The following WWTR1 variants were observed in gnomAD, a reference collection of about 807,000 sequenced individuals.
WWTR1 encodes WW domain-containing transcription regulator protein 1.
A neutral mutation model predicts 40.1 loss-of-function variants in WWTR1; 13 were observed. The observed-to-expected ratio is 0.32, with a 90% CI of 0.21 to 0.52. The LOEUF is 0.52. Ranked by LOEUF, WWTR1 falls within the 20% of genes least tolerant of loss-of-function variation. The pLI, the probability that WWTR1 is intolerant of heterozygous loss-of-function variation, is 0.97. For synonymous variants in WWTR1, 230 were observed against 210.1 expected (o/e 1.09, Z -0.82); for missense variants, 436 against 523.1 (o/e 0.83, Z 1.63).
intron 2 of WWTR1, among the ~76,000 whole-genome samples, chr3:149,623,981 G>GC (rs1397652810): frequency 6.6e-6 from 1 of 152,188 alleles, no homozygotes. Flanking sequence ...CATGTGGCTT[G>GC]CATCACTCTC....
chr3:149,539,170 T>A (rs554957293), intron 4 of WWTR1, among the ~76,000 whole-genome samples: 1 of 152,024 alleles, frequency 6.6e-6, no homozygotes, highest in Non-Finnish European at 1.5e-5. Context: ...TGGCACAACA[T>A]CATCAAACTA....
rs144920256 is a variant in WWTR1 at position 149,602,879 on chromosome 3, C to T, written c.432-29879G>A. Among the ~76,000 whole-genome samples the T allele has an allele frequency of 7.5e-3, 1,143 of 152,118 alleles. 13 individuals are homozygous for T. The highest frequency in any genetic ancestry group is 0.026 in the African/African-American group (1,060 of 41,504). ...TTCACCATGTTGGCCAGGCTGGTCTCGAACTCCTGACCTCAAGTGATCCGC... is the reference window on the plus strand; with the variant it reads ...TTCACCATGTTGGCCAGGCTGGTCTTGAACTCCTGACCTCAAGTGATCCGC... On this transcript the variant is annotated intron_variant, in intron 2 of 6. Coordinates refer to ENST00000360632, the MANE Select transcript of WWTR1 (RefSeq NM_015472.6).
chr3:149,651,904 A>C (rs961102380), intron 2 of WWTR1, among the ~76,000 whole-genome samples: 7 of 139,816 alleles, frequency 5.0e-5, no homozygotes, highest in African/African-American at 1.9e-4. Context: ...ATCTCGGCTC[A>C]CTGCAAGCTC....
chr3:149,713,412 G>A (rs12629822), intron 5 of WWTR1, among the ~76,000 whole-genome samples: 2,155 of 151,116 alleles, frequency 0.014, 30 homozygotes, highest in East Asian at 0.063. Context: ...ACGGCGTCTC[G>A]CTCTGTTGCC....
intron 4 of WWTR1, among the ~76,000 whole-genome samples, chr3:149,540,029 G>C (rs543866060): frequency 3.4e-5 from 5 of 147,762 alleles, no homozygotes; most frequent in African/African-American, 1.2e-4. Flanking sequence ...AAAATAAAAA[G>C]GCATCAGAAC....
intron 2 of WWTR1, among the ~76,000 whole-genome samples, chr3:149,645,002 G>A (rs1013935858): frequency 2.0e-5 from 3 of 152,034 alleles, no homozygotes; most frequent in Admixed American, 1.3e-4. Context: ...ACAGGTACAC[G>A]CCACCATGCC....
chr3:149,549,813 TG>T (rs1321331421), intron 3 of WWTR1, among the ~76,000 whole-genome samples: 2 of 152,018 alleles, frequency 1.3e-5, no homozygotes, highest in African/African-American at 4.8e-5. Flanking sequence ...CACTCCAGCC[TG>T]GGCAACAGAG....
intron 2 of WWTR1, among the ~76,000 whole-genome samples, chr3:149,668,613 A>AAAAAAAAAAAAAAAAAC (rs548038608): frequency 2.0e-5 from 3 of 147,504 alleles, no homozygotes; most frequent in African/African-American, 2.5e-5. Flanking sequence ...GTCTCAAAAA[A>AAAAAAAAAAAAAAAAAC]AACAACAAAA....
chr3:149,581,358 A>AAGACTCAT (rs1220235618), intron 2 of WWTR1, among the ~76,000 whole-genome samples: 1 of 152,180 alleles, frequency 6.6e-6, no homozygotes, highest in African/African-American at 2.4e-5. Context: ...AAAAAAAAAA[A>AAGACTCAT]AGACTCATGC....
chr3:149,548,295 G>A (rs1212251188), intron 3 of WWTR1, among the ~76,000 whole-genome samples: 1 of 152,194 alleles, frequency 6.6e-6, no homozygotes, highest in Non-Finnish European at 1.5e-5. Flanking sequence ...GCCACAGCTC[G>A]TAGAGAAAGT....
At chr3:149,644,407 C>A (rs1243965053) in intron 2 of WWTR1, among the ~76,000 whole-genome samples, 2 of 152,192 alleles carry the variant, frequency 1.3e-5, no homozygotes, top group Admixed American at 1.3e-4. Flanking sequence ...ATGAAAATTT[C>A]TATCCCTGTT....
chr3:149,718,505 C>T (rs138809076), intron 4 of WWTR1, among the ~76,000 whole-genome samples: 11 of 152,278 alleles, frequency 7.2e-5, no homozygotes, highest in African/African-American at 2.6e-4. Context: ...CTATCTTAAT[C>T]ATTTTTAAGT....
intron 4 of WWTR1, among the ~76,000 whole-genome samples, chr3:149,722,770 G>T (rs1715784519): frequency 6.6e-6 from 1 of 151,480 alleles, no homozygotes; most frequent in South Asian, 2.1e-4. Flanking sequence ...TATCAAGTTT[G>T]CTGATTCTTC....
chr3:149,575,889 A>C, intron 2 of WWTR1: 1 of 442,818 alleles, frequency 2.3e-6, no homozygotes, highest in Non-Finnish European at 4.5e-6. Context: ...GACAGTTCTG[A>C]CCGAGCTTAC....
intron 2 of WWTR1, among the ~76,000 whole-genome samples, chr3:149,597,445 AAAGAAGAAGAAG>A (rs1227308134): frequency 7.4e-6 from 1 of 135,868 alleles, no homozygotes; most frequent in African/African-American, 3.4e-5. Context: ...AAAAAAAAAA[AAAGAAGAAGAAG>A]AAGAAGAAGG....
chr3:149,642,019 A>C (rs1296995726), intron 2 of WWTR1, among the ~76,000 whole-genome samples: 2 of 152,238 alleles, frequency 1.3e-5, no homozygotes, highest in Non-Finnish European at 2.9e-5. Flanking sequence ...TTTTAAACAT[A>C]CCCTTGGCTA....
intron 3 of WWTR1, among the ~76,000 whole-genome samples, chr3:149,548,782 A>G (rs1489867510): frequency 6.6e-6 from 1 of 152,124 alleles, no homozygotes; most frequent in East Asian, 1.9e-4. Flanking sequence ...TTCGACAACA[A>G]ACTTCTCAGT....
Position 149,721,842 on chromosome 3 carries a change from T to C in WWTR1, n.459+2238A>G, listed in dbSNP as rs1314306632. ...GCTTCCTGAGTAGGTGAGACTACAG[T>C]TGCATGCCACTGTGCAGGGATTTTA... is the stretch of plus-strand genomic sequence containing the variant. On this transcript the variant is annotated intron_variant and non_coding_transcript_variant, in intron 4 of 6. Coordinates refer to the WWTR1 transcript ENST00000474080. 2.0e-5 allele frequency among the ~76,000 whole-genome samples: 3 copies of C among 152,168 alleles called. No individual in the cohort carries two copies. The East Asian group carries it at 5.8e-4, about 29-fold the overall frequency.
chr3:149,542,314 A>G (rs141892191), intron 4 of WWTR1, 21 bp downstream of exon 4: 2 of 1,607,778 alleles, frequency 1.2e-6, no homozygotes, highest in Non-Finnish European at 1.7e-6. Context: ...AGCCTCCACC[A>G]GACACCATGG....
Sources: allele counts gnomAD v4.1 joint callset (sites outside exome capture counted in the v4.1 genomes callset), GRCh38; gene constraint gnomAD v4.1.1; transcripts MANE v1.5; gene names NCBI Gene and HGNC (gene_info 2026-07-23, HGNC 2026-07-21).